The following DNM3 variants were observed in gnomAD, a reference collection of about 807,000 sequenced individuals.
DNM3 encodes dynamin-3.
DNM3 carries 47 observed loss-of-function variants against 101.6 expected under a neutral mutation model. The observed-to-expected ratio is 0.46, with a 90% CI of 0.37 to 0.59. The LOEUF is 0.59. Among genes scored for constraint, DNM3 ranks in the 20% least tolerant of loss-of-function variants. The pLI is 0.00. For missense variants in DNM3, 849 were observed against 1,085.7 expected (o/e 0.78, Z 3.06); for synonymous variants, 385 against 387.9 (o/e 0.99, Z 0.09).
chr1:172,311,072 G>A (rs2065058215), intron 16 of DNM3: 1 of 152,094 alleles, frequency 6.6e-6, no homozygotes, highest in South Asian at 2.1e-4. Context: ...GCGGTTGATA[G>A]GATTGAATGA....
intron 15 of DNM3, among the ~76,000 whole-genome samples, chr1:172,268,306 A>C (rs2062950946): frequency 6.6e-6 from 1 of 151,914 alleles, no homozygotes; most frequent in Admixed American, 6.6e-5. Context: ...TATATTTTGA[A>C]AGTTGATTCC....
intron 2 of DNM3, among the ~76,000 whole-genome samples, chr1:171,983,946 T>C (rs1276848650): frequency 1.3e-5 from 2 of 152,080 alleles, no homozygotes; most frequent in African/African-American, 4.8e-5. Context: ...TCCCATCCCA[T>C]CCCATCCCTT....
At chr1:171,990,010 T>C (rs1332082240) in intron 4 of DNM3, among the ~76,000 whole-genome samples, 1 of 152,196 alleles carries the variant, frequency 6.6e-6, no homozygotes, top group Non-Finnish European at 1.5e-5. Flanking sequence ...CAAGATTTTA[T>C]CAACTTTATC....
chr1:172,237,529 C>A (rs1209723214), intron 14 of DNM3, among the ~76,000 whole-genome samples: 1 of 152,136 alleles, frequency 6.6e-6, no homozygotes, highest in Non-Finnish European at 1.5e-5. Context: ...AATACTTCAA[C>A]CCTTTCGAGA....
At chr1:172,351,406 T>G (rs1246985323) in intron 17 of DNM3, among the ~76,000 whole-genome samples, 1 of 152,312 alleles carries the variant, frequency 6.6e-6, no homozygotes, top group South Asian at 2.1e-4. Context: ...CTAGGATTTT[T>G]TAAAGTAAAC....
chr1:172,290,426 G>A (rs755574158), intron 15 of DNM3, among the ~76,000 whole-genome samples: 9 of 152,148 alleles, frequency 5.9e-5, no homozygotes, highest in Non-Finnish European at 1.0e-4. Flanking sequence ...GAAGAAACAT[G>A]CTTGGCATAT....
intron 12 of DNM3, among the ~76,000 whole-genome samples, chr1:172,088,829 ACAT>A (rs1167260800): frequency 6.6e-6 from 1 of 152,252 alleles, no homozygotes; most frequent in Non-Finnish European, 1.5e-5. Flanking sequence ...AAATGGTCAC[ACAT>A]CATAGACAAG....
intron 1 of DNM3, among the ~76,000 whole-genome samples, chr1:171,885,804 G>A (rs2036708576): frequency 6.6e-6 from 1 of 152,186 alleles, no homozygotes; most frequent in Non-Finnish European, 1.5e-5. Context: ...GACTCTACCA[G>A]TGTATACCCT....
At chr1:172,367,615 G>T (rs1376794882) in intron 17 of DNM3, among the ~76,000 whole-genome samples, 1 of 151,946 alleles carries the variant, frequency 6.6e-6, no homozygotes, top group East Asian at 1.9e-4. Flanking sequence ...AATATGAGTA[G>T]ATTAAATTCC....
intron 17 of DNM3, among the ~76,000 whole-genome samples, chr1:172,375,875 G>A (rs903149016): frequency 5.3e-5 from 8 of 149,762 alleles, no homozygotes; most frequent in South Asian, 2.1e-4. Flanking sequence ...TTAGCTGGGC[G>A]TGGCATGTAG....
intron 15 of DNM3, among the ~76,000 whole-genome samples, chr1:172,276,557 ATG>A (rs60837783): frequency 1.5e-4 from 22 of 144,366 alleles, no homozygotes; most frequent in African/African-American, 2.8e-4. Context: ...AAAAATCTTA[ATG>A]TGTGTGTGTG....
chr1:172,024,943 C>T (rs866279709), intron 4 of DNM3, among the ~76,000 whole-genome samples: 17 of 152,296 alleles, frequency 1.1e-4, no homozygotes, highest in African/African-American at 3.8e-4. Context: ...GGGACACCAG[C>T]TAGACAGAAC....
At chr1:172,395,515 A>C (rs149251797) in intron 20 of DNM3, among the ~76,000 whole-genome samples, 1 of 152,202 alleles carries the variant, frequency 6.6e-6, no homozygotes, top group African/African-American at 2.4e-5. Flanking sequence ...GCTTTAGCCA[A>C]TAAGAGCCAG....
intron 10 of DNM3, among the ~76,000 whole-genome samples, chr1:172,057,251 C>A (rs1243688717): frequency 1.3e-5 from 2 of 152,126 alleles, no homozygotes; most frequent in Non-Finnish European, 2.9e-5. Context: ...GAGAATGGAA[C>A]CAAGTTGGAA....
At chr1:172,240,134 A>G (rs2061695518) in intron 14 of DNM3, among the ~76,000 whole-genome samples, 1 of 152,072 alleles carries the variant, frequency 6.6e-6, no homozygotes. Flanking sequence ...CTGCTTTTCA[A>G]AGAAACTATG....
chr1:172,078,948 C>G (rs1204803723), intron 11 of DNM3, among the ~76,000 whole-genome samples: 1 of 152,206 alleles, frequency 6.6e-6, no homozygotes, highest in Non-Finnish European at 1.5e-5. Flanking sequence ...TATTGGCTCT[C>G]ACTCTCTTCT....
At chr1:172,258,931 T>G (rs2062531504) in intron 15 of DNM3, among the ~76,000 whole-genome samples, 1 of 152,038 alleles carries the variant, frequency 6.6e-6, no homozygotes, top group African/African-American at 2.4e-5. Context: ...TTTCATAGGT[T>G]TTGGTACATT....
intron 17 of DNM3, among the ~76,000 whole-genome samples, chr1:172,335,627 C>T (rs965023100): frequency 6.6e-6 from 1 of 152,140 alleles, no homozygotes; most frequent in Non-Finnish European, 1.5e-5. Flanking sequence ...AGAGTGACAT[C>T]ATGTCCTTTG....
intron 14 of DNM3, among the ~76,000 whole-genome samples, chr1:172,250,516 C>G (rs533950910): frequency 6.6e-6 from 1 of 152,190 alleles, no homozygotes; most frequent in South Asian, 2.1e-4. Context: ...CAAAAATCAT[C>G]TTCTCTGGTG....
Sources: gnomAD v4.1 joint callset for allele counts (sites outside exome capture counted in the v4.1 genomes callset) on GRCh38, gnomAD v4.1.1 for gene constraint, MANE v1.5 for transcripts, NCBI Gene and HGNC (gene_info 2026-07-23, HGNC 2026-07-21) for gene names.